RSPO2: variants seen among roughly 807,000 people sequenced by gnomAD.
The protein encoded by RSPO2 is R-spondin 2.
In RSPO2, 14 loss-of-function variants were observed where a neutral mutation model predicts 30.9. The ratio of observed to expected loss-of-function variants is 0.45; its 90% confidence interval spans 0.30 to 0.71. The LOEUF (loss-of-function observed/expected upper bound fraction) is 0.71, where lower values mean the gene tolerates loss of function less well. Among genes scored for constraint, RSPO2 ranks in the 30% least tolerant of loss-of-function variants. The pLI is 0.08. For missense variants in RSPO2, 264 were observed against 301.9 expected (o/e 0.87, Z 0.93); for synonymous variants, 107 against 96.4 (o/e 1.11, Z -0.64).
At chr8:107,987,836 C>T (rs1331272497) in intron 3 of RSPO2, among the ~76,000 whole-genome samples, 4 of 152,070 alleles carry the variant, frequency 2.6e-5, no homozygotes, top group African/African-American at 9.7e-5. Flanking sequence ...GACTGTCTTG[C>T]CTGAATAGAC....
rs11434221 is a variant in RSPO2 at position 108,030,119 on chromosome 8, G to GAAAA, written c.95-40879_95-40876dup. Among the ~76,000 whole-genome samples, 35 of 70,972 alleles carry GAAAA rather than the reference G, an allele frequency of 4.9e-4. 1 individual carries two copies. Among genetic ancestry groups the GAAAA allele is most frequent in the African/African-American group, 1.3e-3 (26 of 20,034 alleles). The allele number at this position is 70,972 out of a possible 152,430, so 46.6% of individuals were successfully genotyped here. On this transcript the variant is annotated intron_variant, in intron 2 of 5. Coordinates refer to ENST00000276659, the MANE Select transcript of RSPO2 (RefSeq NM_178565.5). ...GAAAGTAGGGTCCTGGGATAGATAG[G>GAAAA]AAAAAAAAAAAAAAAAAAAAAAAAG...
At chr8:108,040,396 A>C (rs1030965165) in intron 2 of RSPO2, among the ~76,000 whole-genome samples, 2 of 152,150 alleles carry the variant, frequency 1.3e-5, no homozygotes, top group African/African-American at 4.8e-5. Flanking sequence ...AAGAGAAAGA[A>C]AGACACTTTA....
chr8:107,957,799 A>G (rs1373362192), intron 5 of RSPO2, among the ~76,000 whole-genome samples: 1 of 152,180 alleles, frequency 6.6e-6, no homozygotes, highest in African/African-American at 2.4e-5. Context: ...TTGCAGAAAA[A>G]GCCACCAAAA....
At chr8:107,999,828 TGAA>T (rs1815170035) in intron 2 of RSPO2, among the ~76,000 whole-genome samples, 1 of 144,352 alleles carries the variant, frequency 6.9e-6, no homozygotes, top group South Asian at 2.2e-4. Context: ...AAAAAAAAAA[TGAA>T]GAAAATTACC....
At chr8:107,923,017 A>G (rs1234745106) in intron 5 of RSPO2, among the ~76,000 whole-genome samples, 1 of 152,144 alleles carries the variant, frequency 6.6e-6, no homozygotes, top group Non-Finnish European at 1.5e-5. Flanking sequence ...GGACATAGGA[A>G]CAGGCAAAGA....
intron 2 of RSPO2, among the ~76,000 whole-genome samples, chr8:108,064,626 G>T (rs1214762271): frequency 6.6e-6 from 1 of 152,110 alleles, no homozygotes; most frequent in Non-Finnish European, 1.5e-5. Context: ...GATTCCTCAA[G>T]GATCTAGAAC....
At chr8:108,081,936 G>T in intron 2 of RSPO2, 1 of 981,494 alleles carries the variant, frequency 1.0e-6, no homozygotes, top group Non-Finnish European at 1.2e-6. Context: ...TTCCCATCTC[G>T]TCGCAGTTTC....
At chr8:108,003,277 G>GTGTATATATA (rs1198114898) in intron 2 of RSPO2, among the ~76,000 whole-genome samples, 5 of 56,376 alleles carry the variant, frequency 8.9e-5, no homozygotes, top group Non-Finnish European at 1.7e-4. Flanking sequence ...GTGTGTGTGT[G>GTGTATATATA]TATATATATA....
At chr8:108,031,379 CCTT>C (rs1368554453) in intron 2 of RSPO2, among the ~76,000 whole-genome samples, 1 of 152,080 alleles carries the variant, frequency 6.6e-6, no homozygotes, top group African/African-American at 2.4e-5. Context: ...AACTAAATGG[CCTT>C]ATTATGCTAC....
At chr8:107,954,060 A>G (rs1047839554) in intron 5 of RSPO2, among the ~76,000 whole-genome samples, 2 of 152,202 alleles carry the variant, frequency 1.3e-5, no homozygotes, top group African/African-American at 2.4e-5. Flanking sequence ...ATTGGCACAT[A>G]GCAGTGCTCA....
intron 2 of RSPO2, among the ~76,000 whole-genome samples, chr8:108,024,264 G>A (rs971675363): frequency 1.3e-5 from 2 of 151,970 alleles, no homozygotes; most frequent in African/African-American, 2.4e-5. Flanking sequence ...TATTCTTTGC[G>A]GTCTGCACCT....
intron 2 of RSPO2, among the ~76,000 whole-genome samples, chr8:108,048,464 T>A (rs562013542): frequency 6.6e-6 from 1 of 152,164 alleles, no homozygotes; most frequent in South Asian, 2.1e-4. Flanking sequence ...AATTGATGTG[T>A]TTCTTAAAGT....
chr8:108,082,222 C>T (rs964919388), intron 2 of RSPO2, among the ~76,000 whole-genome samples: 18 of 152,168 alleles, frequency 1.2e-4, no homozygotes, highest in African/African-American at 4.1e-4. Context: ...ATAAGAAATA[C>T]GTCCTAAAGA....
intron 2 of RSPO2, among the ~76,000 whole-genome samples, chr8:108,027,831 C>T (rs7816756): frequency 3.9e-5 from 6 of 152,068 alleles, no homozygotes; most frequent in African/African-American, 1.4e-4. Context: ...TCTTTCTATA[C>T]ATTTCCTACT....
At chr8:107,994,013 TC>T (rs1814933788) in intron 2 of RSPO2, among the ~76,000 whole-genome samples, 2 of 152,150 alleles carry the variant, frequency 1.3e-5, no homozygotes, top group South Asian at 4.1e-4. Flanking sequence ...AAGGTCACCT[TC>T]TAAGTTTCCA....
intron 2 of RSPO2, among the ~76,000 whole-genome samples, chr8:108,025,213 C>A (rs907672558): frequency 6.6e-6 from 1 of 152,152 alleles, no homozygotes; most frequent in African/African-American, 2.4e-5. Context: ...GCATATCCAG[C>A]AACCAGATTT....
At chr8:108,078,279 C>A (rs1175392033) in intron 2 of RSPO2, among the ~76,000 whole-genome samples, 1 of 152,014 alleles carries the variant, frequency 6.6e-6, no homozygotes, top group Non-Finnish European at 1.5e-5. Flanking sequence ...TAAGACCCTG[C>A]CTTAAAAAAT....
chr8:107,954,568 T>A (rs181096021), intron 5 of RSPO2, among the ~76,000 whole-genome samples: 1 of 152,184 alleles, frequency 6.6e-6, no homozygotes, highest in Non-Finnish European at 1.5e-5. Flanking sequence ...GTTCAATATT[T>A]TTTCCTTTCA....
intron 2 of RSPO2, among the ~76,000 whole-genome samples, chr8:108,076,611 A>G (rs1299433464): frequency 6.6e-6 from 1 of 152,222 alleles, no homozygotes; most frequent in Non-Finnish European, 1.5e-5. Flanking sequence ...CCAGAACTCC[A>G]TGGATAAAAA....
Sources: gnomAD v4.1 joint callset for allele counts (sites outside exome capture counted in the v4.1 genomes callset) on GRCh38, gnomAD v4.1.1 for gene constraint, MANE v1.5 for transcripts, NCBI Gene and HGNC (gene_info 2026-07-23, HGNC 2026-07-21) for gene names.